ADGRG3: variants seen among roughly 807,000 people sequenced by gnomAD.
ADGRG3 encodes the protein G protein-coupled receptor 97.
ADGRG3 carries 39 observed loss-of-function variants against 54.3 expected under a neutral mutation model. That is an observed-to-expected ratio of 0.72 (90% confidence interval 0.56 to 0.94). The LOEUF is 0.94. Ranked by LOEUF, ADGRG3 falls within the 40% of genes least tolerant of loss-of-function variation. ADGRG3 has a pLI of 0.00. For synonymous variants in ADGRG3, 312 were observed against 290.0 expected, an observed-to-expected ratio of 1.08 and a Z score of -0.77; for missense variants, 654 against 694.6, an observed-to-expected ratio of 0.94 and a Z score of 0.66.
Position 57,679,269 on chromosome 16 carries a change from T to C in ADGRG3, c.585T>C (p.Ala195=). Residue 195 remains alanine, a synonymous_variant, in exon 5 of 12, where the codon GCT becomes GCC. Transcript: ENST00000333493. ...SVGQMHVTKL[A]EPLEIVFSHQ... ...GACAAATGCATGTCACCAAGCTGGC[T>C]GAGCCTCTGGAGATCGTCTTCTCTC... is the stretch of plus-strand genomic sequence containing the variant. The C allele has an allele frequency of 6.2e-7, 1 of 1,614,044 alleles. No individual in the cohort carries two copies. The highest frequency in any genetic ancestry group is 8.5e-7 in the Non-Finnish European group (1 of 1,179,952).
At chr16:57,688,214 A>G (rs1385834370) in intron 11 of ADGRG3, 138 bp from the exon 12 acceptor site, 3 of 670,842 alleles carry the variant, frequency 4.5e-6, no homozygotes, top group Non-Finnish European at 8.1e-6. Flanking sequence ...TGGTTGTGAA[A>G]TGGTTGCATT....
chr16:57,682,346 T>C (rs1226742822), intron 8 of ADGRG3: 3 of 321,014 alleles, frequency 9.3e-6, no homozygotes, highest in Non-Finnish European at 1.3e-5. Flanking sequence ...TGCCCCCGCA[T>C]CCAGGGCCGT....
chr16:57,676,080 G>A (rs2048257373), intron 2 of ADGRG3, 120 bp from the exon 3 acceptor site: 2 of 899,700 alleles, frequency 2.2e-6, no homozygotes, highest in Admixed American at 2.5e-5. Flanking sequence ...TCTTCCTCCT[G>A]TCCTGATCCC....
chr16:57,669,855 G>A (rs1457801778), intron 1 of ADGRG3, among the ~76,000 whole-genome samples: 1 of 152,206 alleles, frequency 6.6e-6, no homozygotes, highest in Non-Finnish European at 1.5e-5. Context: ...TGAGCAAGGG[G>A]TGGATGCAAT....
At chr16:57,685,622 C>T in intron 10 of ADGRG3, 21 bp from the exon 11 acceptor site, 2 of 1,611,626 alleles carry the variant, frequency 1.2e-6, no homozygotes, top group Non-Finnish European at 1.7e-6. Flanking sequence ...CCAGTCCCAC[C>T]ACAGCTGCCC....
chr16:57,680,601 C>A lies in ADGRG3; in HGVS notation c.865C>A (p.Leu289Ile). Residue 289 changes from leucine (L) to isoleucine (I), a missense_variant, in exon 8 of 12, where the codon CTT becomes ATT. Leu to Ile is a conservative substitution (Grantham distance 5). Transcript: ENST00000333493. ...GATCTTCCTGGCCTTCACCATTATT[C>A]TTTATGCCTTTCTGAGGTGAGTGAT... ...SMIFLAFTII[L>I]YAFLRLSRER... 1 of 1,611,862 alleles carries A rather than the reference C, an allele frequency of 6.2e-7. No individual in the cohort carries two copies. Among genetic ancestry groups the A allele is most frequent in the Non-Finnish European group, 8.5e-7 (1 of 1,178,042 alleles).
intron 9 of ADGRG3, 31 bp from the exon 10 acceptor site, chr16:57,684,359 G>A: frequency 6.3e-7 from 1 of 1,596,352 alleles, no homozygotes; most frequent in Non-Finnish European, 8.6e-7. Context: ...GTAAGCCCCA[G>A]TGGTGTCATG....
At chr16:57,679,424 A>G in intron 5 of ADGRG3, 113 bp downstream of exon 5, 1 of 1,219,968 alleles carries the variant, frequency 8.2e-7, no homozygotes, top group South Asian at 1.3e-5. Flanking sequence ...ACCCTTCCAC[A>G]GTCGCCCAGG....
chr16:57,670,021 A>G (rs1476012368), intron 1 of ADGRG3, among the ~76,000 whole-genome samples: 11 of 152,212 alleles, frequency 7.2e-5, no homozygotes, highest in African/African-American at 2.4e-4. Context: ...TTCTACAGCC[A>G]GACTGTGGCT....
rs1359225319 is a variant in ADGRG3, at chr16:57,671,934, G to A, written c.59-1387G>A. Among the ~76,000 whole-genome samples, 6 of 152,292 alleles carry A rather than the reference G, an allele frequency of 3.9e-5. No individual in the cohort carries two copies. The East Asian group carries it at 7.7e-4, about 20-fold the overall frequency. The stretch of plus-strand genomic sequence containing the variant: ...AGCACTTTGGAAGGCCAGGGTGAGC[G>A]GATCGCTTGAGCCCAGGGGTTTGAG... On this transcript the variant is annotated intron_variant, in intron 1 of 11. Coordinates refer to ENST00000333493, the MANE Select transcript of ADGRG3 (RefSeq NM_170776.5).
intron 2 of ADGRG3, among the ~76,000 whole-genome samples, chr16:57,675,691 T>C (rs2048250307): frequency 6.6e-6 from 1 of 152,022 alleles, no homozygotes; most frequent in African/African-American, 2.4e-5. Flanking sequence ...GAAAACATTA[T>C]GCTGAGTGAA....
chr16:57,688,859 A>T lies in ADGRG3; in HGVS notation c.*398A>T. Reference sequence around the variant, plus strand: ...TCCTCCTTGTCACTGGCCTCCCACAACTCCCCTTCTGGCTGCCTGTAACCT... The same window carrying T: ...TCCTCCTTGTCACTGGCCTCCCACATCTCCCCTTCTGGCTGCCTGTAACCT... On this transcript the variant is annotated 3_prime_UTR_variant, in exon 12 of 12. Coordinates refer to ENST00000333493, the MANE Select transcript of ADGRG3 (RefSeq NM_170776.5). 1 of 162,672 alleles carries T rather than the reference A, an allele frequency of 6.1e-6. No homozygotes were observed. Among genetic ancestry groups the T allele is most frequent in the Admixed American group, 6.1e-5 (1 of 16,488 alleles). The allele number at this position is 162,672 out of a possible 1,614,324, so 10.1% of individuals were successfully genotyped here. A position where few individuals can be genotyped will look rare whatever the true frequency, so the allele number is the denominator to read the frequency against.
At chr16:57,687,982 T>G (rs1567863919) in intron 11 of ADGRG3, among the ~76,000 whole-genome samples, 1 of 152,340 alleles carries the variant, frequency 6.6e-6, no homozygotes, top group South Asian at 2.1e-4. Context: ...TGTTCTGTAC[T>G]TACTATAATT....
upstream of ADGRG3, among the ~76,000 whole-genome samples, chr16:57,666,696 C>T (rs1159819914): frequency 6.6e-6 from 1 of 152,116 alleles, no homozygotes; most frequent in Non-Finnish European, 1.5e-5. Flanking sequence ...TCCCTGGTCC[C>T]CAGGGGGCGT....
intron 2 of ADGRG3, among the ~76,000 whole-genome samples, chr16:57,673,906 A>G (rs1350659521): frequency 1.3e-5 from 2 of 152,180 alleles, no homozygotes; most frequent in African/African-American, 4.8e-5. Context: ...ACTTGAAAGT[A>G]ATGGGGGATA....
At chr16:57,676,002 T>G (rs1046755299) in intron 2 of ADGRG3, among the ~76,000 whole-genome samples, 198 bp from the exon 3 acceptor site, 1 of 152,154 alleles carries the variant, frequency 6.6e-6, no homozygotes, top group Non-Finnish European at 1.5e-5. Flanking sequence ...GACAAACACA[T>G]AAAATACTCA....
chr16:57,671,813 G>A (rs1031652454), intron 1 of ADGRG3, among the ~76,000 whole-genome samples: 5 of 152,140 alleles, frequency 3.3e-5, no homozygotes, highest in African/African-American at 1.2e-4. Context: ...AATGCCCATG[G>A]AATGGAATAG....
At chr16:57,667,226 G>C (rs779351301), upstream of ADGRG3, among the ~76,000 whole-genome samples, 113 of 152,370 alleles carry the variant, frequency 7.4e-4, no homozygotes, top group Non-Finnish European at 8.1e-4. Context: ...AGCAGGGGCT[G>C]AGCGGCTCCC....
At chr16:57,667,617 G>A (rs1432462791), upstream of ADGRG3, among the ~76,000 whole-genome samples, 3 of 152,344 alleles carry the variant, frequency 2.0e-5, no homozygotes, top group South Asian at 2.1e-4. Flanking sequence ...AAGGTCACCC[G>A]GCCAGGAAGT....
Sources: gnomAD v4.1 joint callset for allele counts (sites outside exome capture counted in the v4.1 genomes callset) on GRCh38, gnomAD v4.1.1 for gene constraint, MANE v1.5 for transcripts, NCBI Gene and HGNC (gene_info 2026-07-23, HGNC 2026-07-21) for gene names.